HIBCH: variants seen among roughly 807,000 people sequenced by gnomAD.
The protein encoded by HIBCH is 3-hydroxyisobutyryl-CoA hydrolase.
HIBCH carries 50 observed loss-of-function variants against 58.2 expected under a neutral mutation model. The observed-to-expected ratio is 0.86, with a 90% CI of 0.68 to 1.09. The LOEUF (loss-of-function observed/expected upper bound fraction) is 1.09, where lower values mean the gene tolerates loss of function less well. Among genes scored for constraint, HIBCH ranks in the 50% least tolerant of loss-of-function variants. The pLI is 0.00. For synonymous variants in HIBCH, 151 were observed against 146.9 expected (o/e 1.03, Z -0.20); for missense variants, 450 against 449.7 (o/e 1.00, Z -0.01).
intron 3 of HIBCH, 93 bp from the exon 4 acceptor site, chr2:190,294,723 C>A: frequency 1.2e-6 from 1 of 805,226 alleles, no homozygotes; most frequent in Admixed American, 1.8e-5. Context: ...ATCATATATT[C>A]ATATACATAT....
At chr2:190,298,394 C>T (rs904218404) in intron 2 of HIBCH, among the ~76,000 whole-genome samples, 4 of 152,142 alleles carry the variant, frequency 2.6e-5, no homozygotes, top group African/African-American at 7.2e-5. Context: ...CTTATTTCTC[C>T]GCAGCCTCAC....
intron 6 of HIBCH, among the ~76,000 whole-genome samples, chr2:190,275,698 T>C (rs1200427305): frequency 6.6e-6 from 1 of 152,248 alleles, no homozygotes; most frequent in Non-Finnish European, 1.5e-5. Context: ...TAGATAACTC[T>C]TTTAAAGAAG....
At position 190,243,525 on chromosome 2, in the gene HIBCH, T is replaced by C. The variant is rs1195486936; in HGVS notation, c.891+1362A>G. Among the ~76,000 whole-genome samples, 1 of 152,226 alleles carries C rather than the reference T, an allele frequency of 6.6e-6. No individual in the cohort carries two copies. The highest frequency in any genetic ancestry group is 1.5e-5 in the Non-Finnish European group (1 of 68,038). ...CTATTGATGTAAACATTCCTGGAAG[T>C]TGTTAATATTAACAATCTACTTTTG... On this transcript the variant is annotated intron_variant, in intron 11 of 13. Coordinates refer to ENST00000359678, the MANE Select transcript of HIBCH (RefSeq NM_014362.4). This position sits in a 1 kb window ranked among gnomAD's most constrained non-coding sequence, Gnocchi z 4.1.
In HIBCH at chr2:190,244,950, A is replaced by G; in HGVS notation, c.828T>C (p.Thr276=). The G allele has an allele frequency of 6.2e-7, 1 of 1,607,570 alleles. No homozygotes were observed. ...DKINSCFSAN[T]VEEIIENLQQ... is the part of the protein sequence containing the mutation. ...GTAAGTTTTCAATAATTTCTTCCAC[A>G]GTATTGGCTGAAAAACAACTATAAA... Residue 276 remains threonine (T), a synonymous_variant, in exon 11 of 14, where the codon ACT becomes ACC. Transcript: ENST00000359678.
At position 190,252,567 on chromosome 2, in the gene HIBCH, A is replaced by G. The variant is rs75477856; in HGVS notation, c.518-260T>C. On this transcript the variant is annotated intron_variant, in intron 7 of 13. Coordinates refer to ENST00000359678, the MANE Select transcript of HIBCH (RefSeq NM_014362.4). ...AGTATTTGATGACACAATGTTTTGT[A>G]TATTAGAAGTACTCAATGTTACCTA... 2.0e-3 allele frequency among the ~76,000 whole-genome samples: 302 copies of G among 152,334 alleles called. 5 individuals are homozygous for G. Among genetic ancestry groups the G allele is most frequent in the Admixed American group, 0.016 (251 of 15,298 alleles).
chr2:190,222,033 C>G lies in HIBCH; in HGVS notation c.892-8958G>C, dbSNP rs557744028. ...AGGTGCAAAAGTCTGGCACACTGAC[C>G]CTCCACTGAGCTGCTAACACGTAAG... is the stretch of plus-strand genomic sequence containing the variant. On this transcript the variant is annotated intron_variant, in intron 11 of 13. Coordinates refer to ENST00000359678, the MANE Select transcript of HIBCH (RefSeq NM_014362.4). Among the ~76,000 whole-genome samples the G allele has an allele frequency of 3.3e-5, 5 of 152,310 alleles. No individual in the cohort carries two copies. In the East Asian group the frequency reaches 9.6e-4, roughly 29 times the overall value.
intron 1 of HIBCH, among the ~76,000 whole-genome samples, chr2:190,192,693 A>G (rs1689773946): frequency 6.6e-6 from 1 of 152,120 alleles, no homozygotes; most frequent in Admixed American, 6.5e-5. Flanking sequence ...TCTCAGTAAC[A>G]TTTTGTATTT....
intron 1 of HIBCH, among the ~76,000 whole-genome samples, chr2:190,317,875 G>A (rs1416126704): frequency 6.7e-6 from 1 of 149,522 alleles, no homozygotes; most frequent in African/African-American, 2.5e-5. Context: ...CCAGGCTGGA[G>A]TGCAGTGGCA....
At chr2:190,208,844 T>C (rs1225641824) in intron 13 of HIBCH, 36 bp downstream of exon 13, 2 of 1,594,866 alleles carry the variant, frequency 1.3e-6, no homozygotes, top group Non-Finnish European at 1.7e-6. Context: ...ACAAATCCCA[T>C]TTCCCCAAAA....
Position 190,210,701 on chromosome 2 carries a change from C to T in HIBCH, c.1012-1788G>A, listed in dbSNP as rs566834244. ...CATCTCTCACTCACCACAACCTCTG[C>T]CCCCCATCCGCTTCCACACGGCCTC... On this transcript the variant is annotated intron_variant, in intron 12 of 13. Coordinates refer to ENST00000359678, the MANE Select transcript of HIBCH (RefSeq NM_014362.4). The surrounding 1 kb of genome is among the most constrained non-coding windows in gnomAD (Gnocchi z 5.5). Among the ~76,000 whole-genome samples, 1 of 152,252 alleles carries T rather than the reference C, an allele frequency of 6.6e-6. No individual in the cohort carries two copies. The highest frequency in any genetic ancestry group is 1.9e-4 in the East Asian group (1 of 5,170).
rs1241189319 is a variant in HIBCH, at chr2:190,216,618, T to A, written c.892-3543A>T. Among the ~76,000 whole-genome samples the A allele has an allele frequency of 6.6e-6, 1 of 152,218 alleles. No homozygotes were observed. The highest frequency in any genetic ancestry group is 1.5e-5 in the Non-Finnish European group (1 of 68,042). On this transcript the variant is annotated intron_variant, in intron 11 of 13. Transcript: ENST00000359678. This position sits in a 1 kb window ranked among gnomAD's most constrained non-coding sequence, Gnocchi z 4.2. ...TGCTCAGCTGTGATGCCAAACTGTC[T>A]GCTTTGTCAGAGGCCAGAATTCTTT...
chr2:190,316,265 A>G (rs933197163), intron 1 of HIBCH, among the ~76,000 whole-genome samples: 4 of 152,100 alleles, frequency 2.6e-5, no homozygotes, highest in Non-Finnish European at 5.9e-5. Flanking sequence ...TGAACAGCTA[A>G]GACTACAGGC....
At chr2:190,231,462 G>A (rs1575709256) in intron 11 of HIBCH, among the ~76,000 whole-genome samples, 1 of 152,142 alleles carries the variant, frequency 6.6e-6, no homozygotes, top group Admixed American at 6.5e-5. Context: ...AAATAAGCAT[G>A]ATAAAATCCA....
intron 11 of HIBCH, among the ~76,000 whole-genome samples, chr2:190,230,940 A>G (rs1262100702): frequency 2.0e-5 from 3 of 152,188 alleles, no homozygotes; most frequent in Non-Finnish European, 2.9e-5. Context: ...AATCCTAAAC[A>G]TACTAGCAAA....
chr2:190,246,877 A>G (rs956577715), intron 9 of HIBCH, among the ~76,000 whole-genome samples: 2 of 152,198 alleles, frequency 1.3e-5, no homozygotes, highest in Non-Finnish European at 2.9e-5. Flanking sequence ...GTAGCAAAGT[A>G]TAAGAGGGTT....
chr2:190,198,959 C>T (rs1313271038), downstream of HIBCH, among the ~76,000 whole-genome samples: 1 of 152,162 alleles, frequency 6.6e-6, no homozygotes, highest in African/African-American at 2.4e-5. Context: ...AACCTTTAAC[C>T]TTAATCTGAG....
In HIBCH at chr2:190,217,184, G is replaced by A. The variant is rs1034316946; in HGVS notation, c.892-4109C>T. Among the ~76,000 whole-genome samples the A allele has an allele frequency of 6.6e-6, 1 of 152,124 alleles. No individual in the cohort carries two copies. The highest frequency in any genetic ancestry group is 6.5e-5 in the Admixed American group (1 of 15,276). On this transcript the variant is annotated intron_variant, in intron 11 of 13. Coordinates refer to ENST00000359678, the MANE Select transcript of HIBCH (RefSeq NM_014362.4). This position sits in a 1 kb window ranked among gnomAD's most constrained non-coding sequence, Gnocchi z 4.6. ...CCTTGCCTCCCCAAGTTCCTCCAGGGGTCAGTGGACCCTGGGGAAGTGCCT... is the reference window on the plus strand; with the variant it reads ...CCTTGCCTCCCCAAGTTCCTCCAGGAGTCAGTGGACCCTGGGGAAGTGCCT...
At chr2:190,262,124 T>A (rs1301364006) in intron 6 of HIBCH, among the ~76,000 whole-genome samples, 1 of 132,702 alleles carries the variant, frequency 7.5e-6, no homozygotes, top group Admixed American at 8.3e-5. Flanking sequence ...AAGATGACAA[T>A]GACAGCCAAG....
Position 190,209,132 on chromosome 2 carries a change from T to C in HIBCH, c.1012-219A>G, listed in dbSNP as rs573105049. Among the ~76,000 whole-genome samples, 22 of 152,318 alleles carry C rather than the reference T, an allele frequency of 1.4e-4. No individual in the cohort carries two copies. The highest frequency in any genetic ancestry group is 4.8e-4 in the African/African-American group (20 of 41,580). On this transcript the variant is annotated intron_variant, in intron 12 of 13. Coordinates refer to ENST00000359678, the MANE Select transcript of HIBCH (RefSeq NM_014362.4). This position sits in a 1 kb window ranked among gnomAD's most constrained non-coding sequence, Gnocchi z 5.6. ...CACTGCTACAAATCATTGATCTTAC[T>C]GAGGTCCACAGATCCTATGACTTTC...
Sources: allele counts gnomAD v4.1 joint callset (sites outside exome capture counted in the v4.1 genomes callset), GRCh38; gene constraint gnomAD v4.1.1; non-coding constraint Gnocchi (gnomAD v3.1); transcripts MANE v1.5; gene names NCBI Gene and HGNC (gene_info 2026-07-23, HGNC 2026-07-21).